Variants in KIF16B observed in about 807,000 individuals in gnomAD.
KIF16B encodes kinesin-like protein KIF16B.
A neutral mutation model predicts 156.3 loss-of-function variants in KIF16B; 98 were observed. The observed-to-expected ratio is 0.63, with a 90% CI of 0.53 to 0.74. KIF16B has a LOEUF of 0.74. Ranked by LOEUF, KIF16B falls within the 30% of genes least tolerant of loss-of-function variation. The pLI, the probability that KIF16B is intolerant of heterozygous loss-of-function variation, is 0.00. For missense variants in KIF16B, 1,421 were observed against 1,606.5 expected, an observed-to-expected ratio of 0.88 and a Z score of 1.97; for synonymous variants, 564 against 583.7, an observed-to-expected ratio of 0.97 and a Z score of 0.49.
chr20:16,504,017 C>A (rs370038590), intron 10 of KIF16B, among the ~76,000 whole-genome samples: 2 of 152,242 alleles, frequency 1.3e-5, no homozygotes, highest in African/African-American at 4.8e-5. Flanking sequence ...ATTTTAAAGT[C>A]ATAAAATGCA....
intron 10 of KIF16B, among the ~76,000 whole-genome samples, chr20:16,499,766 C>T (rs2068562669): frequency 6.6e-6 from 1 of 152,130 alleles, no homozygotes; most frequent in Admixed American, 6.6e-5. Flanking sequence ...AGCACAAAGA[C>T]TCATGACCAG....
intron 14 of KIF16B, 130 bp from the exon 15 acceptor site, chr20:16,427,371 T>C (rs2066384238): frequency 8.0e-6 from 7 of 876,308 alleles, no homozygotes; most frequent in Non-Finnish European, 1.2e-5. Flanking sequence ...TATCATGAAG[T>C]GAACATTTAT....
At chr20:16,444,590 C>T (rs1047306448) in intron 12 of KIF16B, among the ~76,000 whole-genome samples, 5 of 152,166 alleles carry the variant, frequency 3.3e-5, no homozygotes, top group African/African-American at 7.2e-5. Context: ...CCTAGCCTTT[C>T]GGAGCAGCAG....
chr20:16,528,287 A>G lies in KIF16B; in HGVS notation c.117+84T>C, dbSNP rs1452543395. 2.6e-5 allele frequency: 27 copies of G among 1,027,308 alleles called. No individual in the cohort carries two copies. In the East Asian group the frequency reaches 5.0e-4, roughly 19 times the overall value. The allele number at this position is 1,027,308 out of a possible 1,614,324, so 63.6% of individuals were successfully genotyped here. The stretch of plus-strand genomic sequence containing the variant: ...AAAGGAGGGTGTGGAAACAGCAGAC[A>G]GGCTTTATTTACTCATTAGTCATCC... On this transcript the variant is annotated intron_variant, in intron 2 of 25. Transcript: ENST00000354981.
At position 16,280,845 on chromosome 20, in the gene KIF16B, T is replaced by C. The variant is rs73898468; in HGVS notation, c.3796-7434A>G. ...CAGTCAACTGCTGCGCGCGCACGTG[T>C]GTGTGTGTGTGTGTGTGTGTGTGCG... On this transcript the variant is annotated intron_variant, in intron 25 of 25. Coordinates refer to ENST00000354981, the MANE Select transcript of KIF16B (RefSeq NM_024704.5). Among the ~76,000 whole-genome samples, 13 of 119,048 alleles carry C rather than the reference T, an allele frequency of 1.1e-4. No homozygotes were observed. The East Asian group carries it at 2.4e-3, about 22-fold the overall frequency. 78.1% of individuals were successfully genotyped at this position (119,048 alleles called of 152,430 possible).
At chr20:16,444,524 C>T (rs1285437562) in intron 12 of KIF16B, among the ~76,000 whole-genome samples, 1 of 152,148 alleles carries the variant, frequency 6.6e-6, no homozygotes, top group Non-Finnish European at 1.5e-5. Flanking sequence ...TGGTGTAGTA[C>T]CGTGGAGTAC....
chr20:16,354,313 T>C (rs1173049102), intron 23 of KIF16B, among the ~76,000 whole-genome samples: 1 of 152,252 alleles, frequency 6.6e-6, no homozygotes, highest in Non-Finnish European at 1.5e-5. Flanking sequence ...AATCATTGCA[T>C]GTACCTCACT....
intron 25 of KIF16B, among the ~76,000 whole-genome samples, chr20:16,279,436 G>A (rs965315325): frequency 8.5e-5 from 13 of 152,122 alleles, no homozygotes; most frequent in African/African-American, 1.4e-4. Context: ...GGCTAGGAGC[G>A]AATGATTCCA....
chr20:16,297,106 T>C (rs2063399147), intron 25 of KIF16B, among the ~76,000 whole-genome samples: 1 of 152,262 alleles, frequency 6.6e-6, no homozygotes, highest in Non-Finnish European at 1.5e-5. Flanking sequence ...CTCCTGGTTC[T>C]GGGGCCTTCC....
intron 22 of KIF16B, chr20:16,368,942 C>T: frequency 1.2e-5 from 12 of 985,850 alleles, no homozygotes; most frequent in Non-Finnish European, 1.3e-5. Context: ...TCTTCTGCAT[C>T]ATCGGTGTTA....
chr20:16,414,912 A>G (rs2066049377), intron 15 of KIF16B, among the ~76,000 whole-genome samples: 2 of 152,168 alleles, frequency 1.3e-5, no homozygotes, highest in Non-Finnish European at 2.9e-5. Context: ...GAAATATTCA[A>G]CACTTGATTA....
At chr20:16,406,236 G>A (rs1208756392) in intron 16 of KIF16B, 138 bp downstream of exon 16, 1 of 718,376 alleles carries the variant, frequency 1.4e-6, no homozygotes, top group African/African-American at 1.8e-5. Context: ...AATCTCCCTA[G>A]AATCAATCCA....
intron 2 of KIF16B, among the ~76,000 whole-genome samples, chr20:16,527,602 G>C (rs1010620585): frequency 6.6e-6 from 1 of 151,940 alleles, no homozygotes; most frequent in African/African-American, 2.4e-5. Context: ...TTTGAGATGG[G>C]GTCTTGCTCT....
intron 22 of KIF16B, among the ~76,000 whole-genome samples, chr20:16,364,646 AC>A (rs2064621351): frequency 6.6e-6 from 1 of 152,214 alleles, no homozygotes; most frequent in African/African-American, 2.4e-5. Context: ...CATCACGACA[AC>A]CTTAATACTT....
At chr20:16,492,048 C>T (rs570419835) in intron 12 of KIF16B, among the ~76,000 whole-genome samples, 1 of 152,276 alleles carries the variant, frequency 6.6e-6, no homozygotes, top group Non-Finnish European at 1.5e-5. Context: ...TACAGCCACT[C>T]CTCAGGATAT....
rs905565370 is a variant in KIF16B, at chr20:16,272,365, G to C, written c.*888C>G. The C allele has an allele frequency of 5.9e-5, 9 of 152,560 alleles. No individual in the cohort carries two copies. The highest frequency in any genetic ancestry group is 1.0e-4 in the Non-Finnish European group (7 of 68,028). The allele number at this position is 152,560 out of a possible 1,614,324, so 9.5% of individuals were successfully genotyped here. On this transcript the variant is annotated 3_prime_UTR_variant, in exon 26 of 26. Coordinates refer to ENST00000354981, the MANE Select transcript of KIF16B (RefSeq NM_024704.5). Reference sequence around the variant, plus strand: ...AGTGCAATGCTACATTAAGTCCTGAGTAATTTAAGGTATCATTAATAAACT... The same window carrying C: ...AGTGCAATGCTACATTAAGTCCTGACTAATTTAAGGTATCATTAATAAACT...
intron 3 of KIF16B, among the ~76,000 whole-genome samples, chr20:16,523,214 G>A (rs2147124852): frequency 6.6e-6 from 1 of 152,250 alleles, no homozygotes; most frequent in Admixed American, 6.5e-5. Flanking sequence ...GAAACAATGG[G>A]TATTCGAATA....
At chr20:16,481,372 G>A (rs2067979887) in intron 12 of KIF16B, among the ~76,000 whole-genome samples, 1 of 152,044 alleles carries the variant, frequency 6.6e-6, no homozygotes, top group African/African-American at 2.4e-5. Flanking sequence ...TTTTTTTTCT[G>A]TAGAGACAGG....
intron 1 of KIF16B, among the ~76,000 whole-genome samples, chr20:16,554,639 C>G (rs1390328847): frequency 6.6e-6 from 1 of 152,230 alleles, no homozygotes; most frequent in African/African-American, 2.4e-5. Context: ...CAAAACATGT[C>G]CCTTGCTCAC....
Sources: allele counts gnomAD v4.1 joint callset (sites outside exome capture counted in the v4.1 genomes callset), GRCh38; gene constraint gnomAD v4.1.1; transcripts MANE v1.5; gene names NCBI Gene and HGNC (gene_info 2026-07-23, HGNC 2026-07-21).